The following TAF1B variants were observed in gnomAD, a reference collection of about 807,000 sequenced individuals.
The protein encoded by TAF1B is TATA-box binding protein associated factor, RNA polymerase I subunit B.
A neutral mutation model predicts 83.9 loss-of-function variants in TAF1B; 61 were observed. The ratio of observed to expected loss-of-function variants is 0.73; its 90% CI spans 0.59 to 0.90. TAF1B has a LOEUF of 0.90. Ranked by LOEUF, TAF1B falls within the 40% of genes least tolerant of loss-of-function variation. The probability of loss-of-function intolerance (pLI) is 0.00; values close to 1 mark genes in which losing one functional copy is unlikely to be tolerated. For synonymous variants in TAF1B, 221 were observed against 224.6 expected, an observed-to-expected ratio of 0.98 and a Z score of 0.14; for missense variants, 625 against 677.0, an observed-to-expected ratio of 0.92 and a Z score of 0.85.
At chr2:9,895,665 C>G (rs1306226898) in intron 8 of TAF1B, among the ~76,000 whole-genome samples, 1 of 152,098 alleles carries the variant, frequency 6.6e-6, no homozygotes, top group Non-Finnish European at 1.5e-5. Context: ...GTCATTACTT[C>G]TGATAGTTTT....
chr2:9,911,440 G>T, intron 10 of TAF1B, 71 bp from the exon 11 acceptor site: 1 of 1,235,310 alleles, frequency 8.1e-7, no homozygotes, highest in South Asian at 1.5e-5. Context: ...TTTTCTCTCA[G>T]AAGAATTCAG....
chr2:9,879,259 G>T (rs1231970054), intron 7 of TAF1B, among the ~76,000 whole-genome samples: 2 of 152,090 alleles, frequency 1.3e-5, no homozygotes, highest in African/African-American at 4.8e-5. Context: ...GAGCTTTGAG[G>T]CTGTTATTAA....
At chr2:9,924,323 G>A (rs961534795) in intron 14 of TAF1B, among the ~76,000 whole-genome samples, 7 of 152,160 alleles carry the variant, frequency 4.6e-5, no homozygotes, top group Non-Finnish European at 1.5e-5. Flanking sequence ...CCCTTAGGCT[G>A]AGTTGTCTGA....
At chr2:9,848,316 A>G (rs1471812288) in intron 2 of TAF1B, among the ~76,000 whole-genome samples, 1 of 152,222 alleles carries the variant, frequency 6.6e-6, no homozygotes, top group African/African-American at 2.4e-5. Flanking sequence ...CTAAATTTAG[A>G]AAAACAGTAA....
intron 8 of TAF1B, among the ~76,000 whole-genome samples, chr2:9,884,152 C>T (rs904693189): frequency 2.0e-5 from 3 of 152,208 alleles, no homozygotes; most frequent in Non-Finnish European, 4.4e-5. Context: ...TGATTGCCAG[C>T]GATCCGCGAG....
At chr2:9,869,261 G>C (rs992199201) in intron 6 of TAF1B, among the ~76,000 whole-genome samples, 1 of 151,750 alleles carries the variant, frequency 6.6e-6, no homozygotes, top group African/African-American at 2.4e-5. Flanking sequence ...ATCTAGTTCT[G>C]TCACCCAGGC....
rs912607210 is a variant in TAF1B at position 9,888,276 on chromosome 2, T to C, written c.807+5471T>C. Among the ~76,000 whole-genome samples, 3 of 152,088 alleles carry C rather than the reference T, an allele frequency of 2.0e-5. 1 individual carries two copies. Among genetic ancestry groups the C allele is most frequent in the African/African-American group, 7.2e-5 (3 of 41,436 alleles). On this transcript the variant is annotated intron_variant, in intron 8 of 14. Transcript: ENST00000263663. The stretch of plus-strand genomic sequence containing the variant: ...CCACTTCCCTCCTCCCATCCTTTAG[T>C]GTCAAACATTTCACTTCTACCTTAA...
chr2:9,896,274 TTTAA>T (rs773275375), intron 8 of TAF1B, among the ~76,000 whole-genome samples: 4 of 152,214 alleles, frequency 2.6e-5, no homozygotes, highest in Non-Finnish European at 5.9e-5. Context: ...TGACTGTTGA[TTTAA>T]TTGACAGGCA....
intron 7 of TAF1B, among the ~76,000 whole-genome samples, chr2:9,881,850 G>A (rs1267228542): frequency 2.0e-5 from 3 of 152,288 alleles, no homozygotes; most frequent in Admixed American, 2.0e-4. Flanking sequence ...GGGGTGGAGT[G>A]GTGAGCAAAC....
At chr2:9,927,480 CCTA>C (rs1469419587) in intron 14 of TAF1B, among the ~76,000 whole-genome samples, 1 of 152,210 alleles carries the variant, frequency 6.6e-6, no homozygotes, top group Admixed American at 6.5e-5. Context: ...AGTTTACAGT[CCTA>C]CCAATAGTGT....
chr2:9,886,547 A>G (rs939835741), intron 8 of TAF1B, among the ~76,000 whole-genome samples: 1 of 152,198 alleles, frequency 6.6e-6, no homozygotes, highest in South Asian at 2.1e-4. Flanking sequence ...GTTTAGTTTC[A>G]TTTTAAATGT....
At chr2:9,932,673 C>T (rs1666252818) in intron 14 of TAF1B, among the ~76,000 whole-genome samples, 2 of 152,194 alleles carry the variant, frequency 1.3e-5, no homozygotes, top group Admixed American at 1.3e-4. Flanking sequence ...AGAGCTCAAA[C>T]ACCATGCTGT....
intron 5 of TAF1B, among the ~76,000 whole-genome samples, chr2:9,866,190 G>A (rs1663969819): frequency 6.6e-6 from 1 of 151,782 alleles, no homozygotes; most frequent in South Asian, 2.1e-4. Context: ...CTACTCATCT[G>A]ACAAAGGGCT....
At chr2:9,902,462 G>A (rs1291446499) in intron 8 of TAF1B, among the ~76,000 whole-genome samples, 3 of 152,020 alleles carry the variant, frequency 2.0e-5, no homozygotes, top group East Asian at 3.9e-4. Flanking sequence ...CAGAAGATGG[G>A]GACAGAGTTA....
intron 14 of TAF1B, among the ~76,000 whole-genome samples, chr2:9,929,121 G>A (rs1405646990): frequency 6.7e-6 from 1 of 148,436 alleles, no homozygotes; most frequent in African/African-American, 2.5e-5. Context: ...AGATAATCAG[G>A]TGGTTTTGTC....
intron 7 of TAF1B, among the ~76,000 whole-genome samples, chr2:9,880,882 A>G (rs2077100835): frequency 6.6e-6 from 1 of 152,216 alleles, no homozygotes; most frequent in Non-Finnish European, 1.5e-5. Context: ...CCAAAAATAT[A>G]ATTTCACAAT....
intron 12 of TAF1B, 43 bp downstream of exon 12, chr2:9,913,292 G>A (rs536488527): frequency 6.8e-7 from 1 of 1,478,618 alleles, no homozygotes. Flanking sequence ...CCTTACTTCT[G>A]TGTCTGTTAC....
chr2:9,868,538 G>A (rs1363681786), intron 6 of TAF1B, 109 bp downstream of exon 6: 1 of 1,406,408 alleles, frequency 7.1e-7, no homozygotes, highest in African/African-American at 1.4e-5. Flanking sequence ...GTCTAGCGAG[G>A]AAGAATCTAG....
At chr2:9,857,130 G>C (rs1428167381) in intron 5 of TAF1B, among the ~76,000 whole-genome samples, 3 of 152,198 alleles carry the variant, frequency 2.0e-5, no homozygotes, top group Non-Finnish European at 4.4e-5. Flanking sequence ...TGATGTGGGA[G>C]CTGAAGTGAT....
Sources: allele counts gnomAD v4.1 joint callset (sites outside exome capture counted in the v4.1 genomes callset), GRCh38; gene constraint gnomAD v4.1.1; transcripts MANE v1.5; gene names NCBI Gene and HGNC (gene_info 2026-07-23, HGNC 2026-07-21).